Variants in FBXL18 observed in about 807,000 individuals in gnomAD.
The protein encoded by FBXL18 is F-box/LRR-repeat protein 18.
A neutral mutation model predicts 46.0 loss-of-function variants in FBXL18; 36 were observed. The ratio of observed to expected loss-of-function variants is 0.78; its 90% CI spans 0.60 to 1.03. The LOEUF is 1.03. Ranked by LOEUF, FBXL18 falls within the 50% of genes least tolerant of loss-of-function variation. The pLI is 0.00. For synonymous variants in FBXL18, 557 were observed against 465.3 expected (o/e 1.20, Z -2.54); for missense variants, 977 against 1,004.1 (o/e 0.97, Z 0.36).
rs60325571 is a variant in FBXL18, at chr7:5,455,958, G to A, written c.2001-8115C>T. ...GTCTAACAGCTCCCTGCCGCATTTC[G>A]TTCCCTCTGTGCTCCTTCCCCAGTG... is the stretch of plus-strand genomic sequence containing the variant. On this transcript the variant is annotated intron_variant and NMD_transcript_variant, in intron 4 of 6. Coordinates refer to the FBXL18 transcript ENST00000415009. This position sits in a 1 kb window ranked among gnomAD's most constrained non-coding sequence, Gnocchi z 4.6. Among the ~76,000 whole-genome samples, 8,336 of 152,032 alleles carry A rather than the reference G, an allele frequency of 0.055. 1,033 individuals carry two copies. Among genetic ancestry groups the A allele is most frequent in the East Asian group, 0.54 (2,749 of 5,134 alleles).
Position 5,481,436 on chromosome 7 carries a change from G to A in FBXL18, c.*339C>T. On this transcript the variant is annotated 3_prime_UTR_variant, in exon 5 of 5. Coordinates refer to ENST00000382368, the MANE Select transcript of FBXL18 (RefSeq NM_024963.6). ...CGGTCGGAAGTGGCAGGGGGTTCGG[G>A]CCCTCCAGGCCCGTGGACAGGGCCC... 5.0e-6 allele frequency: 1 copy of A among 200,068 alleles called. No homozygotes were observed. The highest frequency in any genetic ancestry group is 1.0e-5 in the Non-Finnish European group (1 of 96,296). The allele number at this position is 200,068 out of a possible 1,614,324, so 12.4% of individuals were successfully genotyped here.
intron 1 of FBXL18, among the ~76,000 whole-genome samples, chr7:5,509,816 G>A (rs762444178): frequency 1.2e-4 from 18 of 151,928 alleles, no homozygotes; most frequent in Non-Finnish European, 2.1e-4. Flanking sequence ...CAGACAAGAC[G>A]AGAAACTGGC....
Position 5,500,673 on chromosome 7 carries a change from G to T in FBXL18, c.1596C>A (p.Phe532Leu). Reference sequence around the variant, plus strand: ...GCTGTGCGAGCGTCAGGTGCCGCAGGAAGGCCAGCTGGCCGATGGCGGCCA... The same window carrying T: ...GCTGTGCGAGCGTCAGGTGCCGCAGTAAGGCCAGCTGGCCGATGGCGGCCA... ...SEVAAIGQLA[F>L]LRHLTLAQLP... is the part of the protein sequence containing the mutation. Residue 532 changes from phenylalanine to leucine, a missense_variant, in exon 3 of 5, where the codon TTC becomes TTA. By Grantham distance (22) the Phe-to-Leu change is conservative. Coordinates refer to ENST00000382368, the MANE Select transcript of FBXL18 (RefSeq NM_024963.6). The T allele has an allele frequency of 1.2e-6, 2 of 1,611,362 alleles. No homozygotes were observed. The highest frequency in any genetic ancestry group is 1.7e-6 in the Non-Finnish European group (2 of 1,179,266).
rs566610854 is a variant in FBXL18 at position 5,502,839 on chromosome 7, A to G, written c.238-808T>C. ...AAGACTCCATCTCAAAAAAGAAAAA[A>G]AAAAAAAAACGGTTTGGTGGTGGTT... On this transcript the variant is annotated intron_variant, in intron 2 of 4. Coordinates refer to ENST00000382368, the MANE Select transcript of FBXL18 (RefSeq NM_024963.6). Among the ~76,000 whole-genome samples, 286 of 152,138 alleles carry G rather than the reference A, an allele frequency of 1.9e-3. 2 individuals carry two copies. Among genetic ancestry groups the G allele is most frequent in the African/African-American group, 6.6e-3 (273 of 41,526 alleles).
At chr7:5,497,021 ACT>A (rs977013804) in intron 3 of FBXL18, among the ~76,000 whole-genome samples, 7 of 119,142 alleles carry the variant, frequency 5.9e-5, no homozygotes, top group African/African-American at 2.1e-4. Flanking sequence ...ACAGAGTGAG[ACT>A]CTGTCTCAAA....
chr7:5,502,136 G>A (rs1442086885), intron 2 of FBXL18, 105 bp from the exon 3 acceptor site: 3 of 843,532 alleles, frequency 3.6e-6, no homozygotes, highest in Admixed American at 2.7e-5. Context: ...CTGCTCCACC[G>A]GGAGGGAAGC....
chr7:5,493,799 G>A (rs1370384113), intron 3 of FBXL18, among the ~76,000 whole-genome samples: 7 of 151,996 alleles, frequency 4.6e-5, no homozygotes, highest in African/African-American at 1.7e-4. Flanking sequence ...ATAGGCGTGA[G>A]CCACCATGCC....
At chr7:5,484,170 T>C (rs901945654) in intron 4 of FBXL18, among the ~76,000 whole-genome samples, 3 of 152,138 alleles carry the variant, frequency 2.0e-5, no homozygotes, top group African/African-American at 7.2e-5. Context: ...CGTGAGGCTG[T>C]TAAGGAGCTG....
At chr7:5,488,861 C>A (rs1783842377) in intron 4 of FBXL18, among the ~76,000 whole-genome samples, 1 of 152,216 alleles carries the variant, frequency 6.6e-6, no homozygotes, top group South Asian at 2.1e-4. Flanking sequence ...TGCACCCCTT[C>A]CCCCAACAGC....
At position 5,470,387 on chromosome 7, in the gene FBXL18, C is replaced by T. The variant is rs578194170; in HGVS notation, c.2000+20844G>A. 2.6e-5 allele frequency among the ~76,000 whole-genome samples: 4 copies of T among 152,274 alleles called. No individual in the cohort carries two copies. In the East Asian group the frequency reaches 5.8e-4, roughly 22 times the overall value. ...CCAAGGCGGGTACCCAGCGCAGGCCCGGGCAGCTGCCCCAGCTCCTGGACC... is the reference window on the plus strand; with the variant it reads ...CCAAGGCGGGTACCCAGCGCAGGCCTGGGCAGCTGCCCCAGCTCCTGGACC... On this transcript the variant is annotated intron_variant and NMD_transcript_variant, in intron 4 of 6. Coordinates refer to the FBXL18 transcript ENST00000415009.
intron 4 of FBXL18, among the ~76,000 whole-genome samples, chr7:5,462,964 AAAAAAATATATATAT>A (rs1266929840): frequency 1.2e-4 from 3 of 24,252 alleles, no homozygotes; most frequent in African/African-American, 2.8e-4. Context: ...AAAAAAAAAA[AAAAAAATATATATAT>A]ATATATATAT....
intron 1 of FBXL18, among the ~76,000 whole-genome samples, chr7:5,510,958 G>C (rs1459099262): frequency 6.6e-6 from 1 of 152,184 alleles, no homozygotes; most frequent in Non-Finnish European, 1.5e-5. Context: ...GGTTTAAAGA[G>C]TTTAGTTATT....
intron 4 of FBXL18, among the ~76,000 whole-genome samples, chr7:5,466,097 C>A (rs1783336965): frequency 6.6e-6 from 1 of 150,908 alleles, no homozygotes; most frequent in Non-Finnish European, 1.5e-5. Context: ...GGATTATAGG[C>A]GTGAGCTACC....
At position 5,461,821 on chromosome 7, in the gene FBXL18, G is replaced by A. The variant is rs561929275; in HGVS notation, c.2001-13978C>T. ...CCAGGCATGATGGCGGGCGCCTGTA[G>A]TCCCAGCTACTCGAGAGGCTGAGGC... On this transcript the variant is annotated intron_variant and NMD_transcript_variant, in intron 4 of 6. Transcript: ENST00000415009. Among the ~76,000 whole-genome samples, 29 of 152,234 alleles carry A rather than the reference G, an allele frequency of 1.9e-4. No homozygotes were observed. In the East Asian group the frequency reaches 4.2e-3, roughly 22 times the overall value.
At chr7:5,465,402 T>C (rs1783327373) in intron 4 of FBXL18, among the ~76,000 whole-genome samples, 2 of 152,018 alleles carry the variant, frequency 1.3e-5, no homozygotes, top group South Asian at 4.1e-4. Context: ...GGTTTCACCA[T>C]GTTGGTCAGG....
intron 4 of FBXL18, among the ~76,000 whole-genome samples, chr7:5,486,509 C>T (rs372664841): frequency 2.0e-5 from 3 of 151,624 alleles, no homozygotes; most frequent in African/African-American, 4.8e-5. Flanking sequence ...AAAAATTAGC[C>T]GGGAGTGGTG....
Position 5,480,268 on chromosome 7 carries a change from C to T in FBXL18, c.*1507G>A, listed in dbSNP as rs1187903883. Among the ~76,000 whole-genome samples, 1 of 152,124 alleles carries T rather than the reference C, an allele frequency of 6.6e-6. No individual in the cohort carries two copies. The highest frequency in any genetic ancestry group is 1.5e-5 in the Non-Finnish European group (1 of 68,024). On this transcript the variant is annotated 3_prime_UTR_variant, in exon 5 of 5. Transcript: ENST00000382368. Reference sequence around the variant, plus strand: ...CCTTCACCAAGAGCGGCCAGGGCGGCGGTCCAGGCTAGCAGGGCCCAACTA... The same window carrying T: ...CCTTCACCAAGAGCGGCCAGGGCGGTGGTCCAGGCTAGCAGGGCCCAACTA...
Position 5,513,744 on chromosome 7 carries a change from T to C in FBXL18, c.-70A>G, listed in dbSNP as rs1398575757. 6 of 1,560,760 alleles carry C rather than the reference T, an allele frequency of 3.8e-6. No homozygotes were observed. The highest frequency in any genetic ancestry group is 5.2e-6 in the Non-Finnish European group (6 of 1,152,430). On this transcript the variant is annotated 5_prime_UTR_variant, in exon 1 of 5. Transcript: ENST00000382368. ...TGCCTCCCACCTGCCCGGCTAGGGA[T>C]GCTCGAAGCCGGCGCGTCCACCGCT...
Position 5,481,550 on chromosome 7 carries a change from G to A in FBXL18, c.*225C>T, listed in dbSNP as rs146201606. 1.8e-3 allele frequency: 642 copies of A among 361,222 alleles called. 5 individuals are homozygous for A. Among genetic ancestry groups the A allele is most frequent in the African/African-American group, 0.014 (599 of 42,552 alleles). The allele number at this position is 361,222 out of a possible 1,614,324, so 22.4% of individuals were successfully genotyped here. A position where few individuals can be genotyped will look rare whatever the true frequency, so the allele number is the denominator to read the frequency against. On this transcript the variant is annotated 3_prime_UTR_variant, in exon 5 of 5. Coordinates refer to ENST00000382368, the MANE Select transcript of FBXL18 (RefSeq NM_024963.6). Reference sequence around the variant, plus strand: ...CAGCCCCCCACATCGACCGTCCCCCGAGCCCCCTCATGTCACCCAGAACGC... The same window carrying A: ...CAGCCCCCCACATCGACCGTCCCCCAAGCCCCCTCATGTCACCCAGAACGC...
Sources: gnomAD v4.1 joint callset for allele counts (sites outside exome capture counted in the v4.1 genomes callset) on GRCh38, gnomAD v4.1.1 for gene constraint, Gnocchi (gnomAD v3.1) non-coding constraint, MANE v1.5 for transcripts, NCBI Gene and HGNC (gene_info 2026-07-23, HGNC 2026-07-21) for gene names.